The following GRHL3 variants were observed in gnomAD, a reference collection of about 807,000 sequenced individuals.
GRHL3 encodes grainyhead-like protein 3 homolog.
Under a neutral mutation model 70.3 loss-of-function variants are expected in GRHL3, and 20 were observed. The observed-to-expected ratio is 0.28, with a 90% confidence interval of 0.20 to 0.41. The LOEUF (loss-of-function observed/expected upper bound fraction) is 0.41, where lower values mean the gene tolerates loss of function less well. Among genes scored for constraint, GRHL3 ranks in the 10% least tolerant of loss-of-function variants. The pLI, the probability that GRHL3 is intolerant of heterozygous loss-of-function variation, is 1.00. For synonymous variants in GRHL3, 299 were observed against 299.9 expected (o/e 1.00, Z 0.03); for missense variants, 637 against 762.3 (o/e 0.84, Z 1.94).
chr1:24,364,419 G>A, exon 16 of GRHL3: 1 of 1,490,006 alleles, frequency 6.7e-7, no homozygotes, highest in Non-Finnish European at 8.9e-7. Context: ...GGTCACATCT[G>A]AGAGCTCTCA....
At chr1:24,360,714 T>A in intron 15 of GRHL3, 1 of 764,052 alleles carries the variant, frequency 1.3e-6, no homozygotes, top group Non-Finnish European at 2.1e-6. Context: ...TGTGAACTGA[T>A]AATGCTTCCA....
At position 24,346,624 on chromosome 1, in the gene GRHL3, A is replaced by C. The variant is rs1569912163; in HGVS notation, c.1526A>C (p.Glu509Ala). 6.2e-7 allele frequency: 1 copy of C among 1,612,552 alleles called. No homozygotes were observed. Among genetic ancestry groups the C allele is most frequent in the Non-Finnish European group, 8.5e-7 (1 of 1,179,100 alleles). Reference protein sequence around the residue: ...FEPLPSKQAKEGDLQRVLLYV... With the variant: ...FEPLPSKQAKAGDLQRVLLYV... ...CCTCTGCCCTCCAAGCAGGCCAAGG[A>C]AGGCGACCTTCAGAGAGGTGACCTC... The change falls in exon 13 of 16, where the codon GAA (glutamate) becomes GCA (alanine). Residue 509 changes from glutamate (E) to alanine (A), a missense_variant. By Grantham distance (107) the Glu-to-Ala change is moderately radical. Coordinates refer to ENST00000361548, the MANE Select transcript of GRHL3 (RefSeq NM_198173.3).
At chr1:24,355,695 C>T (rs1473220523), downstream of GRHL3, among the ~76,000 whole-genome samples, 2 of 152,160 alleles carry the variant, frequency 1.3e-5, no homozygotes, top group African/African-American at 2.4e-5. Context: ...CTCTCTAGGC[C>T]AAGCCACGTT....
In GRHL3 at chr1:24,344,859, T is replaced by C. The variant is rs368804317; in HGVS notation, c.1420-38T>C. 7 of 1,613,144 alleles carry C rather than the reference T, an allele frequency of 4.3e-6. No homozygotes were observed. The East Asian group carries it at 1.1e-4, about 26-fold the overall frequency. ...CAGCCAGGGGCTCCTCTCATTTTCC[T>C]GCGTGTGATGGAAAATGTCTTTTTC... On this transcript the variant is annotated intron_variant, in intron 11 of 15. Coordinates refer to ENST00000361548, the MANE Select transcript of GRHL3 (RefSeq NM_198173.3).
In GRHL3 at chr1:24,331,582, G is replaced by T; in HGVS notation, c.174G>T (p.Ala58=). 1 of 1,613,810 alleles carries T rather than the reference G, an allele frequency of 6.2e-7. No individual in the cohort carries two copies. The highest frequency in any genetic ancestry group is 1.7e-5 in the Admixed American group (1 of 59,984). The change falls in exon 2 of 16, where the codon GCG becomes GCT. Residue 58 remains alanine (A), a synonymous_variant. Coordinates refer to ENST00000361548, the MANE Select transcript of GRHL3 (RefSeq NM_198173.3). The part of the protein sequence containing the change: ...MRVNGDDDSV[A]ALSFLYDYYM... ...TCAATGGAGATGATGACAGTGTTGC[G>T]GCCTTGAGCTTCCTCTATGATTACT...
chr1:24,343,902 T>G (rs1348733157), intron 11 of GRHL3, among the ~76,000 whole-genome samples: 2 of 152,218 alleles, frequency 1.3e-5, no homozygotes, highest in African/African-American at 4.8e-5. Flanking sequence ...CGGCCAGTGC[T>G]GACAGAGCTT....
Position 24,338,081 on chromosome 1 carries a change from C to A in GRHL3, c.930C>A (p.Ala310=). The change falls in exon 7 of 16, where the codon GCC becomes GCA. Residue 310 remains alanine (A), a synonymous_variant. Coordinates refer to ENST00000361548, the MANE Select transcript of GRHL3 (RefSeq NM_198173.3). ...ACTGGCATTCCCGGCAACCCACTGC[C>A]AAGCAGCGGGTCATTGACGTGGGTG... The part of the protein sequence containing the change: ...WKHWHSRQPT[A]KQRVIDVADC... 6.2e-7 allele frequency: 1 copy of A among 1,611,036 alleles called. No individual in the cohort carries two copies. The highest frequency in any genetic ancestry group is 8.5e-7 in the Non-Finnish European group (1 of 1,178,252).
At chr1:24,361,121 T>A in intron 15 of GRHL3, 1 of 1,278,876 alleles carries the variant, frequency 7.8e-7, no homozygotes, top group Non-Finnish European at 1.1e-6. Flanking sequence ...AGCCAAGACC[T>A]GCACAGCAGC....
In GRHL3 at chr1:24,336,215, GT is replaced by G. The variant is rs57566921; in HGVS notation, c.267-253del. The stretch of plus-strand genomic sequence containing the variant: ...AAAAATAAACGATTAAACTTTCAGG[GT>G]TTTTTTTTTTTTTAATAAGTACTGT... On this transcript the variant is annotated intron_variant, in intron 3 of 15. Transcript: ENST00000361548. 5.5e-3 allele frequency among the ~76,000 whole-genome samples: 779 copies of G among 142,260 alleles called. 3 individuals carry two copies. The highest frequency in any genetic ancestry group is 0.011 in the African/African-American group (448 of 39,146). 93.3% of individuals were successfully genotyped at this position (142,260 alleles called of 152,430 possible).
chr1:24,335,915 C>T (rs1385142409), intron 3 of GRHL3, among the ~76,000 whole-genome samples: 2 of 152,158 alleles, frequency 1.3e-5, no homozygotes, highest in African/African-American at 2.4e-5. Context: ...ATCATTAGCT[C>T]TTCTGATTAC....
chr1:24,338,342 C>T (rs1005278219), intron 7 of GRHL3, among the ~76,000 whole-genome samples: 1 of 152,124 alleles, frequency 6.6e-6, no homozygotes, highest in Non-Finnish European at 1.5e-5. Flanking sequence ...TAAATAGGCT[C>T]CTGCGATGCT....
At chr1:24,330,107 C>A (rs1333002698) in intron 1 of GRHL3, among the ~76,000 whole-genome samples, 1 of 152,094 alleles carries the variant, frequency 6.6e-6, no homozygotes, top group Non-Finnish European at 1.5e-5. Context: ...AATAATTGTA[C>A]ATATTTATAG....
chr1:24,359,979 G>A (rs1468708546), downstream of GRHL3, among the ~76,000 whole-genome samples: 2 of 152,100 alleles, frequency 1.3e-5, no homozygotes, highest in Non-Finnish European at 2.9e-5. This position sits in a 1 kb window ranked among gnomAD's most constrained non-coding sequence, Gnocchi z 5.3. Flanking sequence ...GAGCTGCTCC[G>A]TTGGACAGTC....
At chr1:24,346,416 C>A (rs1330329939) in intron 12 of GRHL3, 137 bp from the exon 13 acceptor site, 5 of 606,614 alleles carry the variant, frequency 8.2e-6, no homozygotes, top group South Asian at 4.2e-5. Flanking sequence ...TGCTGCTTTA[C>A]CCCCACTGTC....
chr1:24,329,035 A>C (rs1481021035), intron 1 of GRHL3, among the ~76,000 whole-genome samples: 1 of 152,184 alleles, frequency 6.6e-6, no homozygotes, highest in Non-Finnish European at 1.5e-5. Context: ...CCCCAGGCCC[A>C]GGAAGCAATG....
At position 24,342,340 on chromosome 1, in the gene GRHL3, C is replaced by T. The variant is rs562305508; in HGVS notation, c.1206+67C>T. ...TAGAAGGGCCAAACCCTGACCCGTG[C>T]GTCCTCCTAGCTTCTCTGGGTTGTC... is the stretch of plus-strand genomic sequence containing the variant. On this transcript the variant is annotated intron_variant, in intron 9 of 15. Transcript: ENST00000361548. The surrounding 1 kb of genome is among the most constrained non-coding windows in gnomAD (Gnocchi z 4.8). The T allele has an allele frequency of 1.3e-5, 18 of 1,363,722 alleles. No individual in the cohort carries two copies. Among genetic ancestry groups the T allele is most frequent in the South Asian group, 9.6e-5 (7 of 72,712 alleles). The allele number at this position is 1,363,722 out of a possible 1,614,324, so 84.5% of individuals were successfully genotyped here.
At chr1:24,346,214 G>A (rs1392255336) in intron 12 of GRHL3, among the ~76,000 whole-genome samples, 2 of 151,826 alleles carry the variant, frequency 1.3e-5, no homozygotes, top group Admixed American at 6.6e-5. Context: ...CCTCCTGTGC[G>A]TCACAGTGTT....
chr1:24,319,877 G>A (rs1235662130), intron 1 of GRHL3: 2 of 580,438 alleles, frequency 3.4e-6, no homozygotes, highest in Non-Finnish European at 5.5e-6. Context: ...AAGGGGCCTT[G>A]GAAATCAGAC....
chr1:24,327,597 T>G (rs1240499395), intron 1 of GRHL3, among the ~76,000 whole-genome samples: 1 of 152,206 alleles, frequency 6.6e-6, no homozygotes, highest in Non-Finnish European at 1.5e-5. Context: ...TCTTCCCTCC[T>G]CCCTCATTTT....
Sources: gnomAD v4.1 joint callset for allele counts (sites outside exome capture counted in the v4.1 genomes callset) on GRCh38, gnomAD v4.1.1 for gene constraint, Gnocchi (gnomAD v3.1) non-coding constraint, MANE v1.5 for transcripts, NCBI Gene and HGNC (gene_info 2026-07-23, HGNC 2026-07-21) for gene names.